RHOBTB1: variants seen among roughly 807,000 people sequenced by gnomAD.
RHOBTB1 encodes the protein Rho related BTB domain containing 1, also known as rho-related BTB domain-containing protein 1.
A neutral mutation model predicts 71.6 loss-of-function variants in RHOBTB1; 40 were observed. That is an observed-to-expected ratio of 0.56 (90% confidence interval 0.43 to 0.73). The LOEUF (loss-of-function observed/expected upper bound fraction) is 0.73, where lower values mean the gene tolerates loss of function less well. RHOBTB1 is among the 30% of genes least tolerant of loss of function. The probability of loss-of-function intolerance (pLI) is 0.00; values close to 1 mark genes in which losing one functional copy is unlikely to be tolerated. For synonymous variants in RHOBTB1, 319 were observed against 334.9 expected, an observed-to-expected ratio of 0.95 and a Z score of 0.52; for missense variants, 797 against 894.0, an observed-to-expected ratio of 0.89 and a Z score of 1.38.
chr10:60,913,514 C>T (rs753336609), intron 2 of RHOBTB1, among the ~76,000 whole-genome samples: 35 of 152,128 alleles, frequency 2.3e-4, no homozygotes, highest in Non-Finnish European at 4.0e-4. Flanking sequence ...TTCTTAGTTA[C>T]CCATCTAACA....
intron 2 of RHOBTB1, among the ~76,000 whole-genome samples, chr10:60,977,713 A>G (rs1297184780): frequency 6.6e-6 from 1 of 152,140 alleles, no homozygotes; most frequent in Admixed American, 6.6e-5. Context: ...CAAGGTGGTG[A>G]AAAAGGGATG....
intron 2 of RHOBTB1, among the ~76,000 whole-genome samples, chr10:60,936,056 A>G (rs553956632): frequency 1.3e-5 from 2 of 152,250 alleles, no homozygotes; most frequent in South Asian, 4.1e-4. Context: ...TAGGTGTTAC[A>G]CTATGAATAG....
At chr10:61,000,905 G>A (rs2087239840) in intron 1 of RHOBTB1, among the ~76,000 whole-genome samples, 1 of 152,154 alleles carries the variant, frequency 6.6e-6, no homozygotes, top group African/African-American at 2.4e-5. Flanking sequence ...CATCACCTTA[G>A]GGCCGGGCAT....
At chr10:60,956,660 AC>A in intron 2 of RHOBTB1, among the ~76,000 whole-genome samples, 1 of 150,246 alleles carries the variant, frequency 6.7e-6, no homozygotes, top group South Asian at 2.1e-4. Flanking sequence ...TACTTTTTAG[AC>A]TTTTTTTTTT....
At chr10:60,924,924 T>A (rs963073155) in intron 2 of RHOBTB1, among the ~76,000 whole-genome samples, 1 of 152,178 alleles carries the variant, frequency 6.6e-6, no homozygotes, top group Non-Finnish European at 1.5e-5. Context: ...AATCTCATGT[T>A]AAATTGTAAT....
At chr10:60,895,693 C>T (rs774391689) in intron 4 of RHOBTB1, among the ~76,000 whole-genome samples, 1 of 152,226 alleles carries the variant, frequency 6.6e-6, no homozygotes, top group Non-Finnish European at 1.5e-5. Flanking sequence ...CGCAAGCCAC[C>T]GCGCCCGGCC....
chr10:60,884,005 G>A (rs1262743782), intron 7 of RHOBTB1, among the ~76,000 whole-genome samples: 3 of 152,194 alleles, frequency 2.0e-5, no homozygotes, highest in Admixed American at 6.5e-5. Flanking sequence ...ATTAGTCACA[G>A]GTGAGAGTCT....
intron 7 of RHOBTB1, among the ~76,000 whole-genome samples, chr10:60,878,546 A>C (rs144460027): frequency 1.3e-5 from 2 of 152,240 alleles, no homozygotes; most frequent in Non-Finnish European, 1.5e-5. Flanking sequence ...TTCTGTCAGT[A>C]TATGCACAAT....
intron 5 of RHOBTB1, among the ~76,000 whole-genome samples, chr10:60,889,786 A>G (rs1277239052): frequency 1.3e-5 from 2 of 152,216 alleles, no homozygotes; most frequent in Non-Finnish European, 2.9e-5. Flanking sequence ...AATAATAACA[A>G]TGAGTAATTA....
intron 2 of RHOBTB1, among the ~76,000 whole-genome samples, chr10:60,977,911 T>C (rs1214994548): frequency 2.6e-5 from 4 of 152,092 alleles, no homozygotes; most frequent in Non-Finnish European, 5.9e-5. Flanking sequence ...GAAGTTCATG[T>C]AGACATAAAT....
At chr10:60,897,358 T>C (rs2082209048) in intron 4 of RHOBTB1, among the ~76,000 whole-genome samples, 1 of 152,236 alleles carries the variant, frequency 6.6e-6, no homozygotes. Flanking sequence ...TATTGTTAAA[T>C]GAATTTTCTT....
intron 2 of RHOBTB1, among the ~76,000 whole-genome samples, chr10:60,969,287 A>G (rs2086074138): frequency 6.6e-6 from 1 of 152,124 alleles, no homozygotes; most frequent in African/African-American, 2.4e-5. Context: ...AGCACTTAGG[A>G]ATTTCAGGTG....
chr10:60,934,945 G>C (rs1380343733), intron 2 of RHOBTB1, among the ~76,000 whole-genome samples: 1 of 152,218 alleles, frequency 6.6e-6, no homozygotes, highest in Admixed American at 6.5e-5. Context: ...GAGACATAGA[G>C]AGGAGGGGAA....
At chr10:60,961,068 C>G (rs963775406) in intron 2 of RHOBTB1, among the ~76,000 whole-genome samples, 1 of 152,046 alleles carries the variant, frequency 6.6e-6, no homozygotes, top group Non-Finnish European at 1.5e-5. Context: ...TCTTCTAGCC[C>G]TTCAACCAAC....
intron 2 of RHOBTB1, among the ~76,000 whole-genome samples, chr10:60,925,160 A>G (rs1034143009): frequency 5.3e-5 from 8 of 152,126 alleles, no homozygotes; most frequent in African/African-American, 1.9e-4. Flanking sequence ...ACCTTCCACC[A>G]TGATTATAAG....
intron 1 of RHOBTB1, among the ~76,000 whole-genome samples, chr10:60,942,819 G>A (rs1318646418): frequency 1.3e-5 from 2 of 151,738 alleles, no homozygotes; most frequent in East Asian, 3.9e-4. Context: ...TCTGCTGCTC[G>A]TCAGAGGACT....
At chr10:60,926,576 A>T (rs777975743) in intron 2 of RHOBTB1, among the ~76,000 whole-genome samples, 2 of 152,256 alleles carry the variant, frequency 1.3e-5, no homozygotes, top group African/African-American at 2.4e-5. Flanking sequence ...ATGGTTCAAC[A>T]TATGCAAATC....
intron 2 of RHOBTB1, among the ~76,000 whole-genome samples, chr10:60,921,489 G>T (rs990529472): frequency 3.9e-5 from 6 of 152,126 alleles, no homozygotes; most frequent in Non-Finnish European, 8.8e-5. Context: ...CTTTAAGAGG[G>T]TTTATCAAAT....
intron 2 of RHOBTB1, among the ~76,000 whole-genome samples, chr10:60,960,175 T>G (rs778744322): frequency 2.8e-4 from 43 of 152,204 alleles, no homozygotes; most frequent in Non-Finnish European, 4.6e-4. Flanking sequence ...ATCTTGGTAA[T>G]GTACCAATGA....
Sources: allele counts gnomAD v4.1 joint callset (sites outside exome capture counted in the v4.1 genomes callset), GRCh38; gene constraint gnomAD v4.1.1; transcripts MANE v1.5; gene names NCBI Gene and HGNC (gene_info 2026-07-23, HGNC 2026-07-21).